Variants in SPG11 observed in about 807,000 individuals in gnomAD.
SPG11 encodes the protein spatacsin.
A neutral mutation model predicts 274.0 loss-of-function variants in SPG11; 222 were observed. The ratio of observed to expected loss-of-function variants is 0.81; its 90% CI spans 0.73 to 0.91. The LOEUF (loss-of-function observed/expected upper bound fraction) is 0.91, where lower values mean the gene tolerates loss of function less well. SPG11 is among the 40% of genes least tolerant of loss of function. SPG11 has a pLI of 0.00. For synonymous variants in SPG11, 1,144 were observed against 1,039.7 expected, an observed-to-expected ratio of 1.10 and a Z score of -1.93; for missense variants, 3,114 against 2,872.7, an observed-to-expected ratio of 1.08 and a Z score of -1.92.
chr15:44,626,292 T>C, intron 11 of SPG11, 39 bp downstream of exon 11: 1 of 1,527,322 alleles, frequency 6.5e-7, no homozygotes, highest in Non-Finnish European at 8.9e-7. Flanking sequence ...AGAAATTATA[T>C]TAAATACATT....
chr15:44,645,699 A>G (rs749649253), intron 7 of SPG11, among the ~76,000 whole-genome samples: 3 of 152,146 alleles, frequency 2.0e-5, no homozygotes, highest in Non-Finnish European at 4.4e-5. Context: ...AAGACAAAAT[A>G]TTTGCAAACC....
chr15:44,653,872 A>AT lies in SPG11; in HGVS notation c.870-1607dup, dbSNP rs960569744. 2.3e-4 allele frequency among the ~76,000 whole-genome samples: 35 copies of AT among 150,902 alleles called. No homozygotes were observed. The East Asian group carries it at 3.3e-3, about 14-fold the overall frequency. ...TGAACTCCATGGGTCCACTTATATG[A>AT]TTTTTTTTTTCCAAAAATACATTGG... is the stretch of plus-strand genomic sequence containing the variant. On this transcript the variant is annotated intron_variant, in intron 4 of 39. Transcript: ENST00000261866.
chr15:44,610,664 C>A (rs986778997), intron 18 of SPG11, among the ~76,000 whole-genome samples, 176 bp downstream of exon 18: 1 of 152,206 alleles, frequency 6.6e-6, no homozygotes. Flanking sequence ...AGGAGTGAGC[C>A]ACTGCACCGG....
chr15:44,581,794 G>A (rs988641160), intron 30 of SPG11, among the ~76,000 whole-genome samples: 1 of 152,022 alleles, frequency 6.6e-6, no homozygotes, highest in Non-Finnish European at 1.5e-5. Context: ...CTAAAATGGT[G>A]GTAAGATTCC....
chr15:44,589,226 C>G, intron 28 of SPG11, 26 bp downstream of exon 28: 1 of 1,612,032 alleles, frequency 6.2e-7, no homozygotes, highest in Non-Finnish European at 8.5e-7. Flanking sequence ...TTCTTAATAG[C>G]AACTTAACTG....
Position 44,659,267 on chromosome 15 carries a change from T to C in SPG11, c.479A>G (p.His160Arg). 3.1e-6 allele frequency: 5 copies of C among 1,613,982 alleles called. No individual in the cohort carries two copies. Among genetic ancestry groups the C allele is most frequent in the Non-Finnish European group, 4.2e-6 (5 of 1,179,836 alleles). ...GATGAACAGTAATGATGTGTTATTG[T>C]GAAATGACAGGATTCTCAAAGACAA... ...SLLSLRILSFHNNTSLLFINK... is the reference protein window; with the variant it reads ...SLLSLRILSFRNNTSLLFINK... The change falls in exon 3 of 40, where the codon CAC becomes CGC. Residue 160 changes from histidine to arginine, a missense_variant. By Grantham distance (29) the His-to-Arg change is conservative. Coordinates refer to ENST00000261866, the MANE Select transcript of SPG11 (RefSeq NM_025137.4).
chr15:44,589,562 G>T, intron 27 of SPG11, 148 bp from the exon 28 acceptor site: 2 of 902,046 alleles, frequency 2.2e-6, no homozygotes, highest in Non-Finnish European at 3.5e-6. Context: ...TTTCCAAATG[G>T]CAGGAACTGG....
chr15:44,632,626 C>G (rs1012208322), intron 8 of SPG11, among the ~76,000 whole-genome samples: 1 of 151,848 alleles, frequency 6.6e-6, no homozygotes, highest in Non-Finnish European at 1.5e-5. Flanking sequence ...TCCTCAGCCT[C>G]AGCCTTCCAA....
rs935722995 is a variant in SPG11, at chr15:44,601,558, T to G, written c.3521-926A>C. The stretch of plus-strand genomic sequence containing the variant: ...TTACATGCGTGCGCCCAGCCTCTTC[T>G]TTTTTTTTTTTTTTTTTTAAATAGA... On this transcript the variant is annotated intron_variant, in intron 20 of 39. Coordinates refer to ENST00000261866, the MANE Select transcript of SPG11 (RefSeq NM_025137.4). 8.1e-5 allele frequency among the ~76,000 whole-genome samples: 10 copies of G among 124,106 alleles called. No homozygotes were observed. The East Asian group carries it at 2.4e-3, about 30-fold the overall frequency. The allele number at this position is 124,106 out of a possible 152,430, so 81.4% of individuals were successfully genotyped here. A position where few individuals can be genotyped will look rare whatever the true frequency, so the allele number is the denominator to read the frequency against.
intron 17 of SPG11, 39 bp from the exon 18 acceptor site, chr15:44,611,024 A>G (rs2083446023): frequency 6.6e-7 from 1 of 1,525,790 alleles, no homozygotes; most frequent in African/African-American, 1.4e-5. Context: ...CTTAAGAGGG[A>G]TAAATACTAA....
chr15:44,663,091 C>T (rs1216973480), intron 1 of SPG11, among the ~76,000 whole-genome samples: 1 of 152,392 alleles, frequency 6.6e-6, no homozygotes, highest in East Asian at 1.9e-4. Flanking sequence ...ATGAAAGAAT[C>T]AGCGCCTCAG....
At chr15:44,564,443 A>C in intron 39 of SPG11, 104 bp downstream of exon 39, 1 of 1,108,684 alleles carries the variant, frequency 9.0e-7, no homozygotes, top group Admixed American at 2.0e-5. Flanking sequence ...TTTTAAGTAG[A>C]GGTAATCTAA....
intron 7 of SPG11, among the ~76,000 whole-genome samples, chr15:44,641,301 A>G (rs1186423003): frequency 6.6e-6 from 1 of 152,136 alleles, no homozygotes; most frequent in Non-Finnish European, 1.5e-5. Flanking sequence ...AGGAAAAAAC[A>G]GAAACTATAT....
In SPG11 at chr15:44,657,120, C is replaced by G. The variant is rs1215491644; in HGVS notation, c.844G>C (p.Ala282Pro). Residue 282 changes from alanine (A) to proline (P), a missense_variant, in exon 4 of 40, where the codon GCT (alanine) becomes CCT (proline). Coordinates refer to ENST00000261866, the MANE Select transcript of SPG11 (RefSeq NM_025137.4). ...VIVSSSNSAV[A>P]LNLNLYFRQH... ...CTGAAATACAAATTTAAGTTAAGAGCAACTGCGGAGTTGGAGGAGCTGACA... is the reference window on the plus strand; with the variant it reads ...CTGAAATACAAATTTAAGTTAAGAGGAACTGCGGAGTTGGAGGAGCTGACA... 11 of 1,613,888 alleles carry G rather than the reference C, an allele frequency of 6.8e-6. No homozygotes were observed. The highest frequency in any genetic ancestry group is 9.3e-6 in the Non-Finnish European group (11 of 1,179,998).
chr15:44,598,609 G>A (rs1367075797), intron 22 of SPG11, 22 bp downstream of exon 22: 1 of 1,608,154 alleles, frequency 6.2e-7, no homozygotes, highest in Non-Finnish European at 8.5e-7. Context: ...AAACAAAGCA[G>A]GCCAGATAAA....
rs2141108370 is a variant in SPG11, at chr15:44,652,223, G to C, written c.913C>G (p.Leu305Val). ...ACGCCCTTAGGTCCTTGAATAGGAA[G>C]ATCTTCTAGTATTCTTTCACACAGT... ...HLLCERILED[L>V]PIQGPKGVDE... is the part of the protein sequence containing the mutation. Residue 305 changes from leucine (L) to valine (V), a missense_variant, in exon 5 of 40, where the codon CTT (leucine) becomes GTT (valine). Physicochemically the swap from Leu to Val is conservative, Grantham distance 32 (BLOSUM62 1). Transcript: ENST00000261866. 1.2e-6 allele frequency: 2 copies of C among 1,614,058 alleles called. No homozygotes were observed. Among genetic ancestry groups the C allele is most frequent in the East Asian group, 4.5e-5 (2 of 44,862 alleles).
At chr15:44,580,547 C>T (rs563018174) in intron 30 of SPG11, among the ~76,000 whole-genome samples, 2 of 152,238 alleles carry the variant, frequency 1.3e-5, no homozygotes, top group South Asian at 2.1e-4. Flanking sequence ...GGGAGGCCGA[C>T]GCGGGCAGAT....
chr15:44,578,188 C>T (rs1337084066), intron 30 of SPG11, among the ~76,000 whole-genome samples: 2 of 146,092 alleles, frequency 1.4e-5, no homozygotes, highest in Non-Finnish European at 3.0e-5. Context: ...CCACGCGTGG[C>T]TATTTTTTTT....
chr15:44,578,458 G>C (rs567810553), intron 30 of SPG11, among the ~76,000 whole-genome samples: 2 of 152,264 alleles, frequency 1.3e-5, no homozygotes, highest in African/African-American at 4.8e-5. Flanking sequence ...GTGCAAGACA[G>C]AGTGGGGGTA....
Sources: gnomAD v4.1 joint callset for allele counts (sites outside exome capture counted in the v4.1 genomes callset) on GRCh38, gnomAD v4.1.1 for gene constraint, MANE v1.5 for transcripts, NCBI Gene and HGNC (gene_info 2026-07-23, HGNC 2026-07-21) for gene names.